ELOC: variants seen among roughly 807,000 people sequenced by gnomAD.
ELOC encodes elongin C.
For missense variants in ELOC, 38 were observed against 139.0 expected (o/e 0.27, Z 3.65); for synonymous variants, 40 against 51.3 (o/e 0.78, Z 0.94).
At chr8:73,966,646 T>C (rs563407285) in intron 1 of ELOC, among the ~76,000 whole-genome samples, 167 of 151,776 alleles carry the variant, frequency 1.1e-3, no homozygotes, top group African/African-American at 3.7e-3. Context: ...AATTTCTTTT[T>C]TTTTTTTTTT....
intron 1 of ELOC, among the ~76,000 whole-genome samples, chr8:73,968,445 A>G (rs1053895651): frequency 8.5e-5 from 13 of 152,196 alleles, no homozygotes; most frequent in Admixed American, 2.6e-4. Context: ...CTCTCAAATA[A>G]TATCTCCAAA....
chr8:73,955,187 C>G (rs1814075859), intron 3 of ELOC, among the ~76,000 whole-genome samples: 1 of 151,966 alleles, frequency 6.6e-6, no homozygotes, highest in Non-Finnish European at 1.5e-5. Context: ...TGCAAAAGGC[C>G]AGGCATGCAA....
intron 3 of ELOC, among the ~76,000 whole-genome samples, chr8:73,951,287 T>G (rs549821772): frequency 1.3e-5 from 2 of 152,030 alleles, no homozygotes; most frequent in South Asian, 2.1e-4. Flanking sequence ...TAATAACTAT[T>G]GAAGCTGGAT....
chr8:73,955,831 C>T (rs1045938439), intron 3 of ELOC, 80 bp downstream of exon 3: 60 of 1,389,688 alleles, frequency 4.3e-5, no homozygotes, highest in Non-Finnish European at 5.3e-5. Context: ...TCTTTAAATG[C>T]TGAATCATTA....
intron 2 of ELOC, among the ~76,000 whole-genome samples, chr8:73,957,496 C>T (rs977181678): frequency 3.3e-5 from 5 of 152,020 alleles, no homozygotes; most frequent in African/African-American, 1.2e-4. Context: ...ACTCAGGAAG[C>T]CCTAGAAAGG....
intron 1 of ELOC, among the ~76,000 whole-genome samples, chr8:73,961,518 CT>C (rs796160550): frequency 2.9e-3 from 424 of 145,112 alleles, no homozygotes; most frequent in Admixed American, 2.8e-3. Context: ...ATCACTCTCT[CT>C]TTTTTTTTTT....
intron 1 of ELOC, among the ~76,000 whole-genome samples, chr8:73,967,123 T>C (rs1467242667): frequency 6.6e-6 from 1 of 152,208 alleles, no homozygotes; most frequent in Non-Finnish European, 1.5e-5. Context: ...GCCATTATTC[T>C]ATTTTTGAAC....
At chr8:73,966,862 A>C (rs1186840525) in intron 1 of ELOC, among the ~76,000 whole-genome samples, 1 of 151,620 alleles carries the variant, frequency 6.6e-6, no homozygotes, top group Non-Finnish European at 1.5e-5. Flanking sequence ...CTGTTTCATC[A>C]CTCCTATCTA....
chr8:73,966,632 C>A lies in ELOC; in HGVS notation c.-51+5445G>T, dbSNP rs545116349. On this transcript the variant is annotated intron_variant, in intron 1 of 3. Transcript: ENST00000520242. The stretch of plus-strand genomic sequence containing the variant: ...CTGAGTAGCCTGCTACCAAGCCCGG[C>A]TAAAATTTCTTTTTTTTTTTTTTTT... 4.3e-3 allele frequency among the ~76,000 whole-genome samples: 651 copies of A among 151,220 alleles called. 1 individual carries two copies. Among genetic ancestry groups the A allele is most frequent in the African/African-American group, 0.015 (598 of 41,164 alleles).
At chr8:73,956,754 T>C (rs531450367) in intron 2 of ELOC, among the ~76,000 whole-genome samples, 1 of 152,366 alleles carries the variant, frequency 6.6e-6, no homozygotes, top group East Asian at 1.9e-4. Context: ...TCAGTGTTTA[T>C]ATGCCATGAG....
chr8:73,953,849 A>G (rs1013915499), intron 3 of ELOC, among the ~76,000 whole-genome samples: 19 of 152,216 alleles, frequency 1.2e-4, no homozygotes, highest in African/African-American at 4.6e-4. Context: ...GAAGACACCC[A>G]AAAGAACTCA....
Position 73,951,297 on chromosome 8 carries a change from T to C in ELOC, c.149-4477A>G, listed in dbSNP as rs529100630. Among the ~76,000 whole-genome samples the C allele has an allele frequency of 6.6e-5, 10 of 152,102 alleles. No individual in the cohort carries two copies. In the South Asian group the frequency reaches 2.1e-3, roughly 32 times the overall value. ...AATGTTAATAACTATTGAAGCTGGA[T>C]GATGGGCACATGGAGGTGTATTACA... On this transcript the variant is annotated intron_variant, in intron 3 of 3. Coordinates refer to ENST00000520242, the MANE Select transcript of ELOC (RefSeq NM_005648.4).
intron 2 of ELOC, among the ~76,000 whole-genome samples, chr8:73,959,212 C>T (rs540931104): frequency 1.3e-5 from 2 of 152,178 alleles, no homozygotes; most frequent in Admixed American, 6.5e-5. Flanking sequence ...TTCATAAGTA[C>T]TGTACACTTA....
At chr8:73,949,442 T>A (rs1014077002) in intron 3 of ELOC, among the ~76,000 whole-genome samples, 1 of 152,234 alleles carries the variant, frequency 6.6e-6, no homozygotes, top group African/African-American at 2.4e-5. Flanking sequence ...AAGTGTACAA[T>A]TCAGTGGCAT....
At chr8:73,950,543 C>T (rs890724724) in intron 3 of ELOC, among the ~76,000 whole-genome samples, 1 of 152,066 alleles carries the variant, frequency 6.6e-6, no homozygotes, top group South Asian at 2.1e-4. Flanking sequence ...ATTGGAAAGT[C>T]ACTGTTTTGT....
chr8:73,965,036 C>CAAAAAAAAAAAAAAAAAAAA, intron 1 of ELOC, among the ~76,000 whole-genome samples: 1 of 81,412 alleles, frequency 1.2e-5, no homozygotes, highest in Non-Finnish European at 2.3e-5. Flanking sequence ...AAAAACAAAC[C>CAAAAAAAAAAAAAAAAAAAA]AAAAAAAAAA....
intron 3 of ELOC, among the ~76,000 whole-genome samples, chr8:73,951,322 A>AG (rs1245355427): frequency 6.6e-6 from 1 of 152,114 alleles, no homozygotes; most frequent in Non-Finnish European, 1.5e-5. Context: ...GGTGTATTAC[A>AG]CAGTTCTCTT....
intron 2 of ELOC, among the ~76,000 whole-genome samples, chr8:73,958,099 T>TG: frequency 6.6e-6 from 1 of 151,096 alleles, no homozygotes; most frequent in Non-Finnish European, 1.5e-5. Context: ...ATGGTTTTTT[T>TG]TTTTTTTTTT....
At chr8:73,971,032 C>CAAAAAAAAAAAAAAA (rs67188912) in intron 1 of ELOC, among the ~76,000 whole-genome samples, 15 of 61,994 alleles carry the variant, frequency 2.4e-4, no homozygotes, top group East Asian at 7.9e-4. Context: ...GACTCCGTCT[C>CAAAAAAAAAAAAAAA]AAAAAAAAAA....
Sources: gnomAD v4.1 joint callset for allele counts (sites outside exome capture counted in the v4.1 genomes callset) on GRCh38, gnomAD v4.1.1 for gene constraint, MANE v1.5 for transcripts, NCBI Gene and HGNC (gene_info 2026-07-23, HGNC 2026-07-21) for gene names.